ELP4: variants seen among roughly 807,000 people sequenced by gnomAD.
ELP4 encodes the protein elongator acetyltransferase complex subunit 4, also known as elongator complex protein 4.
Under a neutral mutation model 48.9 loss-of-function variants are expected in ELP4, and 51 were observed. The ratio of observed to expected loss-of-function variants is 1.04; its 90% confidence interval spans 0.83 to 1.32. The LOEUF (loss-of-function observed/expected upper bound fraction) is 1.32, where lower values mean the gene tolerates loss of function less well. Among genes scored for constraint, ELP4 ranks in the 40% most tolerant of loss-of-function variants. ELP4 has a pLI of 0.00. For missense variants in ELP4, 519 were observed against 514.6 expected (o/e 1.01, Z -0.08); for synonymous variants, 210 against 189.2 (o/e 1.11, Z -0.90).
At chr11:31,734,324 G>A (rs1947256711) in intron 9 of ELP4, among the ~76,000 whole-genome samples, 1 of 152,166 alleles carries the variant, frequency 6.6e-6, no homozygotes, top group African/African-American at 2.4e-5. Flanking sequence ...GCCCATTCTT[G>A]CCACTTCTAT....
At chr11:31,719,565 C>G in intron 9 of ELP4, 2 of 397,908 alleles carry the variant, frequency 5.0e-6, no homozygotes. Context: ...ATCTGAAAGC[C>G]ACAAGTATTA....
chr11:31,532,520 T>C (rs952490437), intron 2 of ELP4, among the ~76,000 whole-genome samples: 3 of 152,118 alleles, frequency 2.0e-5, no homozygotes, highest in African/African-American at 7.2e-5. Context: ...AATCACTCAG[T>C]TTTTTTAATT....
At chr11:31,594,568 C>A (rs1378734170) in intron 3 of ELP4, among the ~76,000 whole-genome samples, 2 of 151,960 alleles carry the variant, frequency 1.3e-5, no homozygotes, top group Non-Finnish European at 2.9e-5. Flanking sequence ...CAGTTTATTG[C>A]TAAAAAGTTA....
At chr11:31,669,921 T>C (rs1015283161) in intron 9 of ELP4, among the ~76,000 whole-genome samples, 4 of 152,238 alleles carry the variant, frequency 2.6e-5, no homozygotes, top group Admixed American at 1.3e-4. Flanking sequence ...GGGATATGCC[T>C]CCATATCAAC....
intron 4 of ELP4, among the ~76,000 whole-genome samples, chr11:31,603,181 A>G (rs541686156): frequency 6.6e-6 from 1 of 151,860 alleles, no homozygotes; most frequent in Non-Finnish European, 1.5e-5. Flanking sequence ...CCACTTTATC[A>G]TGTGCCTTGT....
At chr11:31,629,859 A>AAT (rs1944821906) in intron 6 of ELP4, among the ~76,000 whole-genome samples, 1 of 150,374 alleles carries the variant, frequency 6.7e-6, no homozygotes, top group Non-Finnish European at 1.5e-5. Flanking sequence ...TAACAAATTT[A>AAT]GAGATAGCAA....
intron 9 of ELP4, among the ~76,000 whole-genome samples, chr11:31,782,513 T>C (rs1948400259): frequency 6.6e-6 from 1 of 152,230 alleles, no homozygotes; most frequent in South Asian, 2.1e-4. Context: ...GAAATAAATT[T>C]TGCGAGCTGG....
chr11:31,708,217 T>C (rs1028010454), intron 9 of ELP4, among the ~76,000 whole-genome samples: 1 of 152,092 alleles, frequency 6.6e-6, no homozygotes, highest in Non-Finnish European at 1.5e-5. Flanking sequence ...CAGGGAAACC[T>C]TCTACTTCTC....
At chr11:31,640,029 C>T (rs533691522) in intron 7 of ELP4, among the ~76,000 whole-genome samples, 1 of 151,978 alleles carries the variant, frequency 6.6e-6, no homozygotes, top group East Asian at 2.0e-4. Flanking sequence ...GAATCTTTGG[C>T]TGCTGGACTG....
chr11:31,510,091 C>T (rs571261749), intron 1 of ELP4, 84 bp downstream of exon 1: 3 of 1,261,570 alleles, frequency 2.4e-6, no homozygotes, highest in Admixed American at 2.0e-5. Context: ...GACCCCACAT[C>T]TCTTTCTGAC....
At chr11:31,591,490 C>T (rs1957575172) in intron 3 of ELP4, among the ~76,000 whole-genome samples, 1 of 150,608 alleles carries the variant, frequency 6.6e-6, no homozygotes, top group African/African-American at 2.5e-5. Context: ...GCCAACCCAG[C>T]ACATGAAGTT....
chr11:31,622,694 G>T (rs1944649012), intron 5 of ELP4, among the ~76,000 whole-genome samples: 2 of 151,560 alleles, frequency 1.3e-5, no homozygotes, highest in Non-Finnish European at 3.0e-5. Flanking sequence ...TAGAGATGGG[G>T]ATAGAATATT....
At chr11:31,736,155 C>T (rs1947311585) in intron 9 of ELP4, among the ~76,000 whole-genome samples, 1 of 152,036 alleles carries the variant, frequency 6.6e-6, no homozygotes, top group Non-Finnish European at 1.5e-5. Flanking sequence ...AGAACAGAGC[C>T]CTCAGAAATA....
chr11:31,686,077 C>T (rs911217369), intron 9 of ELP4, among the ~76,000 whole-genome samples: 2 of 151,940 alleles, frequency 1.3e-5, no homozygotes, highest in Non-Finnish European at 2.9e-5. Flanking sequence ...GTTTCCTTTT[C>T]TAACCTTCTT....
At chr11:31,698,447 T>G (rs1458729148) in intron 9 of ELP4, among the ~76,000 whole-genome samples, 1 of 152,118 alleles carries the variant, frequency 6.6e-6, no homozygotes, top group African/African-American at 2.4e-5. Context: ...GGGTTTCACT[T>G]TGTCACCTAG....
At chr11:31,569,192 G>A (rs913216440) in intron 3 of ELP4, among the ~76,000 whole-genome samples, 2 of 152,000 alleles carry the variant, frequency 1.3e-5, no homozygotes, top group Non-Finnish European at 2.9e-5. Context: ...CATCAGCCTT[G>A]GCAAAGAATT....
At chr11:31,761,646 G>T (rs1370471730) in intron 9 of ELP4, among the ~76,000 whole-genome samples, 1 of 152,158 alleles carries the variant, frequency 6.6e-6, no homozygotes, top group Non-Finnish European at 1.5e-5. Flanking sequence ...ATATATTAAA[G>T]AAAATTGAAA....
chr11:31,743,336 A>G (rs1947501538), intron 9 of ELP4, among the ~76,000 whole-genome samples: 1 of 152,188 alleles, frequency 6.6e-6, no homozygotes, highest in African/African-American at 2.4e-5. Flanking sequence ...TAGACAGATC[A>G]GCGAGACAGA....
chr11:31,529,492 A>C, intron 2 of ELP4, among the ~76,000 whole-genome samples: 1 of 152,216 alleles, frequency 6.6e-6, no homozygotes, highest in Non-Finnish European at 1.5e-5. Context: ...CAAGGGCATC[A>C]GTCGTAGACA....
Sources: gnomAD v4.1 joint callset for allele counts (sites outside exome capture counted in the v4.1 genomes callset) on GRCh38, gnomAD v4.1.1 for gene constraint, MANE v1.5 for transcripts, NCBI Gene and HGNC (gene_info 2026-07-23, HGNC 2026-07-21) for gene names.